Variants in MEOX2 observed in about 807,000 individuals in gnomAD.
MEOX2 encodes the protein homeobox protein MOX-2.
MEOX2 carries 11 observed loss-of-function variants against 27.0 expected under a neutral mutation model. That is an observed-to-expected ratio of 0.41 (90% CI 0.26 to 0.68). The LOEUF is 0.68. Among genes scored for constraint, MEOX2 ranks in the 30% least tolerant of loss-of-function variants. The pLI is 0.33. For missense variants in MEOX2, 436 were observed against 385.4 expected (o/e 1.13, Z -1.10); for synonymous variants, 189 against 155.4 (o/e 1.22, Z -1.61).
Position 15,612,108 on chromosome 7 carries a change from GC to G in MEOX2, c.*278del. The G allele has an allele frequency of 2.3e-6, 1 of 432,016 alleles. No homozygotes were observed. The highest frequency in any genetic ancestry group is 4.2e-6 in the Non-Finnish European group (1 of 238,206). The allele number at this position is 432,016 out of a possible 1,614,324, so 26.8% of individuals were successfully genotyped here. On this transcript the variant is annotated 3_prime_UTR_variant, in exon 3 of 3. Coordinates refer to ENST00000262041, the MANE Select transcript of MEOX2 (RefSeq NM_005924.5). ...GATAGCAATTTAATTTTCAGTGCAA[GC>G]AAAAGCAAACACATACCTGCTCACT...
At chr7:15,678,317 G>C (rs1488754433) in intron 1 of MEOX2, among the ~76,000 whole-genome samples, 1 of 152,174 alleles carries the variant, frequency 6.6e-6, no homozygotes. Context: ...CCTATGCAGT[G>C]AGTGCTAAAG....
At chr7:15,621,829 C>A (rs1426546876) in intron 2 of MEOX2, among the ~76,000 whole-genome samples, 1 of 152,214 alleles carries the variant, frequency 6.6e-6, no homozygotes, top group East Asian at 1.9e-4. Context: ...AAAAACAATT[C>A]TGTTACAGGC....
intron 1 of MEOX2, among the ~76,000 whole-genome samples, chr7:15,642,300 G>C (rs371516519): frequency 6.6e-6 from 1 of 151,988 alleles, no homozygotes; most frequent in South Asian, 2.1e-4. Flanking sequence ...GGAAGTCTTT[G>C]TTCATTTTTT....
chr7:15,642,104 G>C (rs183406774), intron 1 of MEOX2, among the ~76,000 whole-genome samples: 1 of 152,184 alleles, frequency 6.6e-6, no homozygotes, highest in Admixed American at 6.5e-5. Flanking sequence ...TGTTCATCTT[G>C]TATGGCATCT....
intron 1 of MEOX2, among the ~76,000 whole-genome samples, chr7:15,644,470 T>C (rs985495466): frequency 5.9e-5 from 9 of 152,178 alleles, no homozygotes; most frequent in Non-Finnish European, 1.0e-4. Context: ...CTTATATGCC[T>C]GAAACAGAGG....
intron 1 of MEOX2, chr7:15,681,086 C>G (rs1456064588): frequency 1.3e-5 from 2 of 151,448 alleles, no homozygotes; most frequent in African/African-American, 2.4e-5. Flanking sequence ...ATTAATTCAA[C>G]AGATATTATT....
At chr7:15,614,203 AT>A (rs1781084882) in intron 2 of MEOX2, among the ~76,000 whole-genome samples, 1 of 800 alleles carries the variant, frequency 1.3e-3, no homozygotes, top group South Asian at 6.3e-3. Context: ...AAATAAATAG[AT>A]AAAATAAAAT....
intron 1 of MEOX2, among the ~76,000 whole-genome samples, chr7:15,647,004 A>G (rs1367268553): frequency 2.0e-5 from 3 of 152,002 alleles, no homozygotes; most frequent in Admixed American, 1.3e-4. Context: ...CCCCCAAGAA[A>G]CAAATATAGT....
At chr7:15,680,107 C>A (rs369654635) in intron 1 of MEOX2, 3 of 151,576 alleles carry the variant, frequency 2.0e-5, no homozygotes, top group East Asian at 1.9e-4. Context: ...AATTAAAAAC[C>A]CACTCATGAC....
At chr7:15,636,573 A>G (rs1347251477) in intron 1 of MEOX2, among the ~76,000 whole-genome samples, 1 of 151,934 alleles carries the variant, frequency 6.6e-6, no homozygotes, top group African/African-American at 2.4e-5. Flanking sequence ...TCAAATTGTG[A>G]TTGTTTTTTG....
At chr7:15,685,787 T>G in intron 1 of MEOX2, 99 bp downstream of exon 1, 1 of 1,463,326 alleles carries the variant, frequency 6.8e-7, no homozygotes, top group Non-Finnish European at 9.1e-7. Flanking sequence ...ATTCCCATCT[T>G]CCCTGCTGCC....
chr7:15,651,257 C>T (rs1781729012), intron 1 of MEOX2, among the ~76,000 whole-genome samples: 2 of 151,920 alleles, frequency 1.3e-5, no homozygotes, highest in Admixed American at 6.6e-5. Flanking sequence ...TATCCACGCT[C>T]CTTGGATATT....
Position 15,626,798 on chromosome 7 carries a change from G to A in MEOX2, c.638C>T (p.Thr213Ile). 1.2e-6 allele frequency: 2 copies of A among 1,608,486 alleles called. No individual in the cohort carries two copies. Among genetic ancestry groups the A allele is most frequent in the Non-Finnish European group, 1.7e-6 (2 of 1,178,212 alleles). The change falls in exon 2 of 3, where the codon ACC (threonine) becomes ATC (isoleucine). Residue 213 changes from threonine (T) to isoleucine (I), a missense_variant. Thr to Ile is a moderately conservative substitution (Grantham distance 89). Transcript: ENST00000262041. The stretch of plus-strand genomic sequence containing the variant: ...TGCTATCTCGTATCGCCTCAGTCTG[G>A]TGAGATAATTATGATGGGCAAATTC... ...EAEFAHHNYL[T>I]RLRRYEIAVN...
At chr7:15,631,805 T>C (rs1781407093) in intron 1 of MEOX2, among the ~76,000 whole-genome samples, 1 of 151,494 alleles carries the variant, frequency 6.6e-6, no homozygotes, top group Non-Finnish European at 1.5e-5. Flanking sequence ...TTACATATTA[T>C]TTTAATATGA....
chr7:15,651,675 G>A (rs1011651210), intron 1 of MEOX2, among the ~76,000 whole-genome samples: 5 of 151,878 alleles, frequency 3.3e-5, no homozygotes, highest in Non-Finnish European at 7.4e-5. Flanking sequence ...TCTTGCACTA[G>A]ACTCTGTACT....
At position 15,612,134 on chromosome 7, in the gene MEOX2, T is replaced by C. The variant is rs1781042564; in HGVS notation, c.*253A>G. 4 of 526,862 alleles carry C rather than the reference T, an allele frequency of 7.6e-6. No individual in the cohort carries two copies. Among genetic ancestry groups the C allele is most frequent in the East Asian group, 3.2e-5 (1 of 31,308 alleles). 32.6% of individuals were successfully genotyped at this position (526,862 alleles called of 1,614,324 possible). A position where few individuals can be genotyped will look rare whatever the true frequency, so the allele number is the denominator to read the frequency against. On this transcript the variant is annotated 3_prime_UTR_variant, in exon 3 of 3. Coordinates refer to ENST00000262041, the MANE Select transcript of MEOX2 (RefSeq NM_005924.5). ...CAAAAGCAAACACATACCTGCTCAC[T>C]GCCATACGCACGACCAAACACATCT...
At chr7:15,621,113 G>A (rs1781216855) in intron 2 of MEOX2, among the ~76,000 whole-genome samples, 1 of 152,172 alleles carries the variant, frequency 6.6e-6, no homozygotes, top group Admixed American at 6.5e-5. Flanking sequence ...TGAAACTGGA[G>A]AGCCTTTAGA....
At chr7:15,616,566 C>A (rs1258612854) in intron 2 of MEOX2, among the ~76,000 whole-genome samples, 1 of 151,716 alleles carries the variant, frequency 6.6e-6, no homozygotes, top group Non-Finnish European at 1.5e-5. Flanking sequence ...TTTATTAACC[C>A]AGCTTTATTG....
chr7:15,628,070 G>T (rs7786661), intron 1 of MEOX2, among the ~76,000 whole-genome samples: 99,327 of 151,766 alleles, frequency 0.65, 32,756 homozygotes, highest in East Asian at 0.81. Flanking sequence ...TTAACCAAAG[G>T]TTTCAAAGAG....
Sources: allele counts gnomAD v4.1 joint callset (sites outside exome capture counted in the v4.1 genomes callset), GRCh38; gene constraint gnomAD v4.1.1; transcripts MANE v1.5; gene names NCBI Gene and HGNC (gene_info 2026-07-23, HGNC 2026-07-21).